FRMD4B: variants seen among roughly 807,000 people sequenced by gnomAD.
FRMD4B encodes FERM domain containing 4B, also known as FERM domain-containing protein 4B.
FRMD4B carries 74 observed loss-of-function variants against 141.5 expected under a neutral mutation model. The observed-to-expected ratio is 0.52, with a 90% CI of 0.43 to 0.63. The LOEUF (loss-of-function observed/expected upper bound fraction) is 0.63, where lower values mean the gene tolerates loss of function less well. FRMD4B is among the 30% of genes least tolerant of loss of function. The pLI, the probability that FRMD4B is intolerant of heterozygous loss-of-function variation, is 0.00. For synonymous variants in FRMD4B, 506 were observed against 467.9 expected (o/e 1.08, Z -1.05); for missense variants, 1,366 against 1,253.4 (o/e 1.09, Z -1.36).
Position 69,526,239 on chromosome 3 carries a change from AG to A in FRMD4B, c.-129+15966del, listed in dbSNP as rs1423427869. 2.0e-5 allele frequency among the ~76,000 whole-genome samples: 3 copies of A among 152,344 alleles called. No homozygotes were observed. The East Asian group carries it at 5.8e-4, about 29-fold the overall frequency. ...CCTTGGCTCCCTCGGATTTTTCCTCAGATGGGAAAATTCAGAGGTACATGCA... is the reference window on the plus strand; with the variant it reads ...CCTTGGCTCCCTCGGATTTTTCCTCAATGGGAAAATTCAGAGGTACATGCA... On this transcript the variant is annotated intron_variant, in intron 1 of 5. Transcript: ENST00000459638.
intron 1 of FRMD4B, among the ~76,000 whole-genome samples, chr3:69,513,954 C>G (rs1033418610): frequency 2.0e-5 from 3 of 152,088 alleles, no homozygotes; most frequent in Non-Finnish European, 4.4e-5. Context: ...ACATAATACT[C>G]AATGGTGAAA....
intron 1 of FRMD4B, among the ~76,000 whole-genome samples, chr3:69,515,699 C>T (rs1396054863): frequency 6.6e-6 from 1 of 151,786 alleles, no homozygotes; most frequent in South Asian, 2.1e-4. Flanking sequence ...GAATATGTAT[C>T]TAAAGATTTA....
chr3:69,349,173 C>T (rs1391669616), intron 1 of FRMD4B, among the ~76,000 whole-genome samples: 1 of 152,014 alleles, frequency 6.6e-6, no homozygotes, highest in Non-Finnish European at 1.5e-5. Flanking sequence ...TTTTTATACA[C>T]CAATAACAGA....
Position 69,231,039 on chromosome 3 carries a change from C to T in FRMD4B, c.582-6349G>A, listed in dbSNP as rs559976237. On this transcript the variant is annotated intron_variant, in intron 7 of 22. Transcript: ENST00000398540. ...AAAACTATGAGGAAAGACAAGCACT[C>T]GATCTCATCTCATCTGGGAAGCTAA... Among the ~76,000 whole-genome samples, 8 of 152,276 alleles carry T rather than the reference C, an allele frequency of 5.3e-5. No homozygotes were observed. The East Asian group carries it at 1.2e-3, about 22-fold the overall frequency.
intron 1 of FRMD4B, among the ~76,000 whole-genome samples, chr3:69,385,471 C>T (rs750346295): frequency 1.3e-5 from 2 of 152,230 alleles, no homozygotes; most frequent in African/African-American, 2.4e-5. Context: ...CCACTCCCAC[C>T]CCCAATGAAA....
chr3:69,400,018 T>A (rs1481876793), intron 2 of FRMD4B, among the ~76,000 whole-genome samples: 2 of 152,168 alleles, frequency 1.3e-5, no homozygotes, highest in African/African-American at 4.8e-5. Context: ...AGGTACTCAA[T>A]AAACCTGTTA....
At chr3:69,330,647 C>CT (rs59308674) in intron 1 of FRMD4B, among the ~76,000 whole-genome samples, 35 of 147,260 alleles carry the variant, frequency 2.4e-4, no homozygotes, top group South Asian at 4.3e-4. Flanking sequence ...GCCTGGCCGC[C>CT]TTTTTTTTTT....
intron 1 of FRMD4B, among the ~76,000 whole-genome samples, chr3:69,315,099 A>G (rs967864160): frequency 2.6e-5 from 4 of 152,216 alleles, no homozygotes; most frequent in African/African-American, 7.2e-5. Context: ...GTCCACCAAC[A>G]TAGTTTACTA....
At chr3:69,215,613 C>T (rs369111171) in intron 11 of FRMD4B, among the ~76,000 whole-genome samples, 1 of 151,930 alleles carries the variant, frequency 6.6e-6, no homozygotes, top group Non-Finnish European at 1.5e-5. Context: ...ATAAATAGCA[C>T]ACAACTGATT....
At chr3:69,197,776 C>A (rs2092923776) in intron 12 of FRMD4B, 1 of 152,480 alleles carries the variant, frequency 6.6e-6, no homozygotes, top group Non-Finnish European at 1.5e-5. Flanking sequence ...TATTTCCTCC[C>A]ATCCCTCTGG....
intron 1 of FRMD4B, among the ~76,000 whole-genome samples, chr3:69,463,449 T>C (rs1314225342): frequency 6.6e-6 from 1 of 152,210 alleles, no homozygotes; most frequent in Non-Finnish European, 1.5e-5. Flanking sequence ...CAAATATTGG[T>C]ATTTAAAGTT....
intron 11 of FRMD4B, among the ~76,000 whole-genome samples, chr3:69,214,944 A>C (rs1006157312): frequency 1.3e-5 from 2 of 151,698 alleles, no homozygotes; most frequent in Non-Finnish European, 2.9e-5. Context: ...CAGTGGCGTG[A>C]TCTCGGCTCA....
At chr3:69,380,190 G>C (rs1704077798) in intron 1 of FRMD4B, among the ~76,000 whole-genome samples, 1 of 152,116 alleles carries the variant, frequency 6.6e-6, no homozygotes, top group African/African-American at 2.4e-5. Flanking sequence ...TTTTAACTGT[G>C]GGCTTAGCTA....
rs998432441 is a variant in FRMD4B at position 69,169,395 on chromosome 3, T to C, written c.*2466A>G. ...TTTTTTCTTGAGACAAGGTCTGTTA[T>C]TGCCTAGGCTGGAATGCAGTGGCAC... On this transcript the variant is annotated 3_prime_UTR_variant, in exon 23 of 23. Transcript: ENST00000398540. Among the ~76,000 whole-genome samples the C allele has an allele frequency of 3.0e-4, 45 of 149,884 alleles. No individual in the cohort carries two copies. Among genetic ancestry groups the C allele is most frequent in the Admixed American group, 1.0e-3 (15 of 14,952 alleles).
intron 1 of FRMD4B, among the ~76,000 whole-genome samples, chr3:69,434,043 A>T (rs1257837329): frequency 1.3e-5 from 2 of 152,190 alleles, no homozygotes; most frequent in Non-Finnish European, 2.9e-5. Flanking sequence ...TTATCACGTC[A>T]TCTCTCCACA....
intron 1 of FRMD4B, among the ~76,000 whole-genome samples, chr3:69,336,894 A>G (rs1702575896): frequency 6.6e-6 from 1 of 152,234 alleles, no homozygotes; most frequent in African/African-American, 2.4e-5. Context: ...CAGTGAGCCA[A>G]GATCATGCCA....
intron 7 of FRMD4B, among the ~76,000 whole-genome samples, chr3:69,241,590 TG>T (rs138354078): frequency 0.051 from 7,797 of 152,192 alleles, 230 homozygotes; most frequent in African/African-American, 0.078. Context: ...AACAAATTTG[TG>T]TTGGGATACA....
chr3:69,461,981 C>G (rs1405983701), intron 1 of FRMD4B, among the ~76,000 whole-genome samples: 1 of 152,062 alleles, frequency 6.6e-6, no homozygotes, highest in Non-Finnish European at 1.5e-5. Context: ...CTCTGGGGGC[C>G]TTCTCTATAT....
chr3:69,397,894 G>C (rs1434047889), intron 2 of FRMD4B, among the ~76,000 whole-genome samples: 1 of 152,066 alleles, frequency 6.6e-6, no homozygotes, highest in Non-Finnish European at 1.5e-5. Context: ...CAATAAAGCT[G>C]TTACCAAAAA....
Sources: gnomAD v4.1 joint callset for allele counts (sites outside exome capture counted in the v4.1 genomes callset) on GRCh38, gnomAD v4.1.1 for gene constraint, MANE v1.5 for transcripts, NCBI Gene and HGNC (gene_info 2026-07-23, HGNC 2026-07-21) for gene names.